The following MYZAP variants were observed in gnomAD, a reference collection of about 807,000 sequenced individuals.
MYZAP encodes GRINL1A complex locus upstream.
In MYZAP, 66 loss-of-function variants were observed where a neutral mutation model predicts 69.4. The ratio of observed to expected loss-of-function variants is 0.95; its 90% CI spans 0.78 to 1.17. The LOEUF is 1.17. Among genes scored for constraint, MYZAP ranks in the 50% most tolerant of loss-of-function variants. The pLI, the probability that MYZAP is intolerant of heterozygous loss-of-function variation, is 0.00. For synonymous variants in MYZAP, 256 were observed against 205.9 expected, an observed-to-expected ratio of 1.24 and a Z score of -2.09; for missense variants, 611 against 556.2, an observed-to-expected ratio of 1.10 and a Z score of -0.99.
At chr15:57,661,383 G>T in intron 10 of MYZAP, 67 bp from the exon 11 acceptor site, 1 of 1,207,744 alleles carries the variant, frequency 8.3e-7, no homozygotes, top group Non-Finnish European at 1.2e-6. Flanking sequence ...ATCTATTCCA[G>T]TTGATAAACC....
intron 12 of MYZAP, among the ~76,000 whole-genome samples, chr15:57,678,935 G>T (rs1353133475): frequency 6.6e-6 from 1 of 151,986 alleles, no homozygotes; most frequent in Non-Finnish European, 1.5e-5. Context: ...CCAGTACTTT[G>T]GGAGGCCGAG....
rs2036382770 is a variant in MYZAP, at chr15:57,629,738, A to G, written c.562A>G (p.Ile188Val). Residue 188 changes from isoleucine (I) to valine (V), a missense_variant, in exon 6 of 13, where the codon ATT becomes GTT. Physicochemically the swap from Ile to Val is conservative, Grantham distance 29 (BLOSUM62 3). Transcript: ENST00000267853. ...LVDVTLENSN[I>V]KDQIRNLQQT... ...GGATGTGACTTTGGAAAACAGCAACATTAAGGATCAAATCAGAAATCTGCA... is the reference window on the plus strand; with the variant it reads ...GGATGTGACTTTGGAAAACAGCAACGTTAAGGATCAAATCAGAAATCTGCA... 1 of 1,612,306 alleles carries G rather than the reference A, an allele frequency of 6.2e-7. No individual in the cohort carries two copies. Among genetic ancestry groups the G allele is most frequent in the Admixed American group, 1.7e-5 (1 of 59,190 alleles).
At chr15:57,621,530 G>C (rs1048114888) in intron 3 of MYZAP, 78 bp from the exon 4 acceptor site, 1 of 1,538,098 alleles carries the variant, frequency 6.5e-7, no homozygotes, top group South Asian at 1.2e-5. Flanking sequence ...TCTTTCTTTA[G>C]AGTTTCTTAA....
chr15:57,610,940 G>T, intron 2 of MYZAP, among the ~76,000 whole-genome samples: 1 of 152,144 alleles, frequency 6.6e-6, no homozygotes, highest in East Asian at 1.9e-4. Context: ...CGCTGTCAGA[G>T]CCACTTTGAC....
chr15:57,670,695 C>G (rs1410789248), intron 11 of MYZAP, among the ~76,000 whole-genome samples: 2 of 151,210 alleles, frequency 1.3e-5, no homozygotes. Flanking sequence ...CTCCTTTTTG[C>G]CTTTTGGATT....
rs893461216 is a variant in MYZAP, at chr15:57,680,762, T to G, written c.1305-3640T>G. The G allele has an allele frequency of 9.8e-5, 15 of 152,316 alleles. 1 individual carries two copies. Among genetic ancestry groups the G allele is most frequent in the Admixed American group, 4.6e-4 (7 of 15,294 alleles). The allele number at this position is 152,316 out of a possible 1,614,324, so 9.4% of individuals were successfully genotyped here. The stretch of plus-strand genomic sequence containing the variant: ...ATAGGTGCAATATGATGAAAAATAT[T>G]CCCCATGGTCATAAGTGCTCAGCAC... On this transcript the variant is annotated intron_variant, in intron 12 of 12. Coordinates refer to ENST00000267853, the MANE Select transcript of MYZAP (RefSeq NM_001018100.5).
intron 2 of MYZAP, among the ~76,000 whole-genome samples, chr15:57,608,671 C>G (rs919098126): frequency 6.6e-6 from 1 of 152,110 alleles, no homozygotes; most frequent in Non-Finnish European, 1.5e-5. Context: ...CCACAGTGTC[C>G]GGTTTATAAT....
At chr15:57,651,269 C>T (rs925721943) in intron 10 of MYZAP, among the ~76,000 whole-genome samples, 1 of 152,158 alleles carries the variant, frequency 6.6e-6, no homozygotes, top group South Asian at 2.1e-4. Flanking sequence ...GAATTTGAAG[C>T]AGTTCACTCC....
chr15:57,646,398 C>CA, intron 10 of MYZAP: 1 of 1,117,310 alleles, frequency 9.0e-7, no homozygotes, highest in Non-Finnish European at 1.1e-6. Flanking sequence ...CTGACTTGTA[C>CA]AGCCTCAAAC....
chr15:57,625,975 A>G, intron 5 of MYZAP, 83 bp downstream of exon 5: 2 of 1,197,778 alleles, frequency 1.7e-6, no homozygotes, highest in Non-Finnish European at 2.5e-6. Flanking sequence ...AATAAGTCAC[A>G]GAACATCCTT....
At chr15:57,615,277 A>G (rs996846412) in intron 2 of MYZAP, among the ~76,000 whole-genome samples, 3 of 152,240 alleles carry the variant, frequency 2.0e-5, no homozygotes. Context: ...TGTTTTACAT[A>G]CACAAACACA....
At chr15:57,640,351 AG>A (rs1433912308) in intron 10 of MYZAP, among the ~76,000 whole-genome samples, 3 of 152,210 alleles carry the variant, frequency 2.0e-5, no homozygotes, top group Non-Finnish European at 4.4e-5. Context: ...AAAATCTGAT[AG>A]AAAAAGAGCA....
At chr15:57,594,365 C>T (rs2033920044) in intron 1 of MYZAP, among the ~76,000 whole-genome samples, 1 of 152,210 alleles carries the variant, frequency 6.6e-6, no homozygotes, top group Admixed American at 6.5e-5. Context: ...ATACAACTGC[C>T]TCGGCCTCCC....
At chr15:57,628,935 T>C (rs1478663110) in intron 5 of MYZAP, among the ~76,000 whole-genome samples, 1 of 151,476 alleles carries the variant, frequency 6.6e-6, no homozygotes, top group African/African-American at 2.4e-5. Context: ...ATACAAAAAT[T>C]AGCCAGGCGT....
intron 2 of MYZAP, among the ~76,000 whole-genome samples, chr15:57,614,624 A>G (rs567512951): frequency 6.6e-6 from 1 of 152,240 alleles, no homozygotes; most frequent in Non-Finnish European, 1.5e-5. Flanking sequence ...GGGGATGGGC[A>G]GGGGAAGTGG....
chr15:57,603,608 T>C (rs1471003371), intron 1 of MYZAP, among the ~76,000 whole-genome samples: 1 of 152,248 alleles, frequency 6.6e-6, no homozygotes, highest in African/African-American at 2.4e-5. Flanking sequence ...CACTGGCTTA[T>C]TTCACTTAGC....
intron 5 of MYZAP, among the ~76,000 whole-genome samples, chr15:57,628,603 T>TTGTGCGGCTTGGAGCAAAAATC (rs2036299596): frequency 6.6e-6 from 1 of 151,880 alleles, no homozygotes; most frequent in Non-Finnish European, 1.5e-5. Context: ...GAGCAAAAAT[T>TTGTGCGGCTTGGAGCAAAAATC]ACTTGTGCGG....
At chr15:57,624,854 C>G (rs922147551) in intron 4 of MYZAP, among the ~76,000 whole-genome samples, 2 of 152,162 alleles carry the variant, frequency 1.3e-5, no homozygotes, top group African/African-American at 4.8e-5. Flanking sequence ...TGTCTCCACT[C>G]CCCAGAGTGC....
intron 11 of MYZAP, among the ~76,000 whole-genome samples, chr15:57,662,617 C>T (rs563867732): frequency 6.6e-6 from 1 of 152,314 alleles, no homozygotes; most frequent in South Asian, 2.1e-4. Context: ...ATGTACTAAG[C>T]ACTCAATAAT....
Sources: allele counts gnomAD v4.1 joint callset (sites outside exome capture counted in the v4.1 genomes callset), GRCh38; gene constraint gnomAD v4.1.1; transcripts MANE v1.5; gene names NCBI Gene and HGNC (gene_info 2026-07-23, HGNC 2026-07-21).